NETO1: variants seen among roughly 807,000 people sequenced by gnomAD.
NETO1 encodes the protein neuropilin and tolloid like 1.
In NETO1, 26 loss-of-function variants were observed where a neutral mutation model predicts 61.3. The observed-to-expected ratio is 0.42, with a 90% CI of 0.31 to 0.59. The LOEUF is 0.59. NETO1 is among the 20% of genes least tolerant of loss of function. The pLI, the probability that NETO1 is intolerant of heterozygous loss-of-function variation, is 0.12. For synonymous variants in NETO1, 225 were observed against 225.8 expected (o/e 1.00, Z 0.03); for missense variants, 531 against 662.8 (o/e 0.80, Z 2.18).
chr18:72,866,435 A>C (rs2074734757), intron 1 of NETO1, among the ~76,000 whole-genome samples: 1 of 152,158 alleles, frequency 6.6e-6, no homozygotes, highest in Admixed American at 6.5e-5. Flanking sequence ...GGAAAAAAAA[A>C]ATCAATTTAA....
intron 4 of NETO1, among the ~76,000 whole-genome samples, chr18:72,844,412 C>T (rs2074023936): frequency 6.6e-6 from 1 of 152,196 alleles, no homozygotes; most frequent in Non-Finnish European, 1.5e-5. Flanking sequence ...AGGTCTCAAA[C>T]ATCACTATTC....
At position 72,746,949 on chromosome 18, in the gene NETO1, G is replaced by T. The variant is rs768905685; in HGVS notation, c.*1230C>A. 1.3e-5 allele frequency among the ~76,000 whole-genome samples: 2 copies of T among 151,912 alleles called. No homozygotes were observed. The highest frequency in any genetic ancestry group is 2.9e-5 in the Non-Finnish European group (2 of 67,898). On this transcript the variant is annotated 3_prime_UTR_variant, in exon 11 of 11. Transcript: ENST00000327305. ...CATCATAATCACTAAGCTTTCAGGT[G>T]TATTATGTGTACCTGAGAATAAGAA... is the stretch of plus-strand genomic sequence containing the variant.
intron 3 of NETO1, among the ~76,000 whole-genome samples, chr18:72,864,375 A>G (rs2145690840): frequency 6.6e-6 from 1 of 152,350 alleles, no homozygotes; most frequent in East Asian, 1.9e-4. Flanking sequence ...ATGTGATTAT[A>G]GATTCATCTT....
intron 4 of NETO1, among the ~76,000 whole-genome samples, chr18:72,819,214 G>A (rs2073118076): frequency 6.6e-6 from 1 of 152,050 alleles, no homozygotes; most frequent in Non-Finnish European, 1.5e-5. Context: ...GAAGCCCACA[G>A]CCTCTGACTG....
At chr18:72,805,663 C>T (rs995225347) in intron 4 of NETO1, among the ~76,000 whole-genome samples, 2 of 152,118 alleles carry the variant, frequency 1.3e-5, no homozygotes, top group African/African-American at 4.8e-5. Flanking sequence ...AGGCAGTCGA[C>T]CTCCAGATTT....
intron 4 of NETO1, among the ~76,000 whole-genome samples, chr18:72,794,656 C>T (rs1436599239): frequency 1.3e-5 from 2 of 151,980 alleles, no homozygotes; most frequent in Admixed American, 6.6e-5. Context: ...TTTTCTAATG[C>T]CTTTCCTGCC....
Position 72,867,316 on chromosome 18 carries a change from C to A in NETO1, c.-25G>T, listed in dbSNP as rs779756292. 2.6e-6 allele frequency: 4 copies of A among 1,559,358 alleles called. No homozygotes were observed. The highest frequency in any genetic ancestry group is 3.5e-6 in the Non-Finnish European group (4 of 1,152,382). On this transcript the variant is annotated 5_prime_UTR_variant, in exon 1 of 11. An upstream open reading frame in the 5' UTR gains an earlier in-frame stop. Transcript: ENST00000327305. Reference sequence around the variant, plus strand: ...TGTCTGTGCGTTACACCAGAGGCTCCGGGCTCCACTAATTCCATTTAGAGA... The same window carrying A: ...TGTCTGTGCGTTACACCAGAGGCTCAGGGCTCCACTAATTCCATTTAGAGA...
At position 72,858,925 on chromosome 18, in the gene NETO1, G is replaced by C; in HGVS notation, c.370C>G (p.Pro124Ala). 1 of 1,613,844 alleles carries C rather than the reference G, an allele frequency of 6.2e-7. No homozygotes were observed. ...IGRFCGQQNP[P>A]VIKSSGRFLW... ...AATCTTCCACTGGATTTTATGACAG[G>C]TGGATTTTGTTGTCCACAGAAACGT... Residue 124 changes from proline (P) to alanine (A), a missense_variant, in exon 4 of 11, where the codon CCT (proline) becomes GCT (alanine). Coordinates refer to ENST00000327305, the MANE Select transcript of NETO1 (RefSeq NM_138966.5).
chr18:72,835,180 T>A, intron 4 of NETO1: 1 of 1,321,940 alleles, frequency 7.6e-7, no homozygotes, highest in East Asian at 2.9e-5. Flanking sequence ...CAAATCGTGG[T>A]GCACCTGGAG....
At position 72,867,385 on chromosome 18, in the gene NETO1, G is replaced by T; in HGVS notation, c.-94C>A. On this transcript the variant is annotated 5_prime_UTR_variant, in exon 1 of 11. Transcript: ENST00000327305. Reference sequence around the variant, plus strand: ...CGGGGGGAGGACAGGGTCGAGAGGTGTTAAAGACGCAAAGCAAGAAGGAAA... The same window carrying T: ...CGGGGGGAGGACAGGGTCGAGAGGTTTTAAAGACGCAAAGCAAGAAGGAAA... 2.0e-6 allele frequency: 2 copies of T among 975,712 alleles called. No homozygotes were observed. The highest frequency in any genetic ancestry group is 2.1e-5 in the South Asian group (1 of 48,484). 60.4% of individuals were successfully genotyped at this position (975,712 alleles called of 1,614,324 possible).
chr18:72,857,042 C>G (rs2074430268), intron 4 of NETO1, among the ~76,000 whole-genome samples: 2 of 152,196 alleles, frequency 1.3e-5, no homozygotes, highest in Admixed American at 1.3e-4. Context: ...TTACGTCACT[C>G]AGGCAATGGC....
chr18:72,780,397 T>C (rs2071696798), intron 7 of NETO1, among the ~76,000 whole-genome samples: 1 of 152,214 alleles, frequency 6.6e-6, no homozygotes, highest in African/African-American at 2.4e-5. Flanking sequence ...TCTATTTTTT[T>C]GTAGTCTCAA....
At chr18:72,777,286 T>C (rs35401428) in intron 7 of NETO1, among the ~76,000 whole-genome samples, 45,848 of 151,524 alleles carry the variant, frequency 0.3, 8,104 homozygotes, top group South Asian at 0.48. Flanking sequence ...GGTGTAGTGG[T>C]GTATGCCTGA....
chr18:72,835,441 A>C (rs750291735), intron 4 of NETO1: 15 of 639,636 alleles, frequency 2.3e-5, no homozygotes, highest in Admixed American at 4.9e-5. Context: ...CAAAGTAGGA[A>C]TACAAGTTAA....
chr18:72,819,444 G>T (rs762905745), intron 4 of NETO1, among the ~76,000 whole-genome samples: 1 of 152,092 alleles, frequency 6.6e-6, no homozygotes, highest in Admixed American at 6.5e-5. Context: ...ATAATTCTAT[G>T]ATTTCAAAAA....
At chr18:72,819,317 T>A (rs1251387752) in intron 4 of NETO1, among the ~76,000 whole-genome samples, 4 of 152,196 alleles carry the variant, frequency 2.6e-5, no homozygotes, top group Non-Finnish European at 5.9e-5. Flanking sequence ...GGTGTATATA[T>A]ATTGATAACA....
intron 4 of NETO1, among the ~76,000 whole-genome samples, chr18:72,825,873 G>A (rs767797044): frequency 6.6e-5 from 10 of 152,088 alleles, no homozygotes; most frequent in Non-Finnish European, 1.0e-4. Context: ...AAAATAAAAT[G>A]TGATTTAAAA....
intron 4 of NETO1, among the ~76,000 whole-genome samples, chr18:72,820,426 T>C (rs1382077572): frequency 6.6e-6 from 1 of 152,218 alleles, no homozygotes; most frequent in African/African-American, 2.4e-5. Context: ...TATTTTTACA[T>C]AACTATATTA....
At chr18:72,765,445 G>A (rs929183042) in intron 7 of NETO1, among the ~76,000 whole-genome samples, 1 of 151,898 alleles carries the variant, frequency 6.6e-6, no homozygotes, top group Non-Finnish European at 1.5e-5. Flanking sequence ...TGGAGATGAA[G>A]TCTCACTCTG....
Sources: gnomAD v4.1 joint callset for allele counts (sites outside exome capture counted in the v4.1 genomes callset) on GRCh38, gnomAD v4.1.1 for gene constraint, MANE v1.5 for transcripts, NCBI Gene and HGNC (gene_info 2026-07-23, HGNC 2026-07-21) for gene names.